The following SCIMP variants were observed in gnomAD, a reference collection of about 807,000 sequenced individuals.
The protein encoded by SCIMP is SLP adapter and CSK-interacting membrane protein.
A neutral mutation model predicts 22.0 loss-of-function variants in SCIMP; 18 were observed. The observed-to-expected ratio is 0.82, with a 90% CI of 0.56 to 1.21. The LOEUF is 1.21. Among genes scored for constraint, SCIMP ranks in the 50% most tolerant of loss-of-function variants. SCIMP has a pLI of 0.00. For synonymous variants in SCIMP, 53 were observed against 62.2 expected (o/e 0.85, Z 0.70); for missense variants, 155 against 171.2 (o/e 0.91, Z 0.53).
chr17:5,234,194 C>T (rs972336722), intron 1 of SCIMP, among the ~76,000 whole-genome samples: 1 of 152,104 alleles, frequency 6.6e-6, no homozygotes, highest in Non-Finnish European at 1.5e-5. Flanking sequence ...TCGCTTGAAC[C>T]CGGGAGGCGG....
At chr17:5,211,013 A>G in intron 4 of SCIMP, 58 bp from the exon 5 acceptor site, 1 of 1,552,218 alleles carries the variant, frequency 6.4e-7, no homozygotes, top group South Asian at 1.2e-5. Flanking sequence ...TATATTTTTG[A>G]AGGCAGTGGC....
At chr17:5,217,024 T>C (rs1488344378) in intron 3 of SCIMP, among the ~76,000 whole-genome samples, 2 of 152,164 alleles carry the variant, frequency 1.3e-5, no homozygotes, top group Non-Finnish European at 2.9e-5. Flanking sequence ...TAAACATTTT[T>C]AGGTTGTTAG....
intron 1 of SCIMP, among the ~76,000 whole-genome samples, chr17:5,234,369 C>T (rs1209216048): frequency 6.6e-6 from 1 of 151,780 alleles, no homozygotes; most frequent in Non-Finnish European, 1.5e-5. Context: ...ATAACAAGTC[C>T]CAAAACACAC....
chr17:5,215,540 G>A (rs943680054), intron 3 of SCIMP, among the ~76,000 whole-genome samples: 1 of 152,104 alleles, frequency 6.6e-6, no homozygotes, highest in East Asian at 1.9e-4. Context: ...CTTGAACTTC[G>A]GAGGCGGAGG....
intron 1 of SCIMP, among the ~76,000 whole-genome samples, chr17:5,229,851 CCCT>C (rs934822922): frequency 6.3e-5 from 9 of 142,024 alleles, no homozygotes. Flanking sequence ...CTCCTTTCTC[CCCT>C]CTTCTCCTTT....
chr17:5,220,238 T>C (rs1314996036), intron 3 of SCIMP, among the ~76,000 whole-genome samples: 1 of 152,062 alleles, frequency 6.6e-6, no homozygotes, highest in African/African-American at 2.4e-5. Context: ...AAGTATAGAC[T>C]GGGCGCTGGG....
At chr17:5,234,381 A>T (rs1469673411) in intron 1 of SCIMP, among the ~76,000 whole-genome samples, 2 of 148,100 alleles carry the variant, frequency 1.4e-5, no homozygotes, top group Admixed American at 1.4e-4. Flanking sequence ...AAAACACACC[A>T]TCGGCATCCA....
At chr17:5,221,724 A>G (rs1375706849) in intron 2 of SCIMP, among the ~76,000 whole-genome samples, 3 of 152,194 alleles carry the variant, frequency 2.0e-5, no homozygotes, top group Non-Finnish European at 4.4e-5. Flanking sequence ...AAAAGAAAGT[A>G]GGTGAAGTTT....
At position 5,209,027 on chromosome 17, in the gene SCIMP, T is replaced by C. The variant is rs1434693593; in HGVS notation, c.*1774A>G. The C allele has an allele frequency of 6.6e-6, 1 of 152,238 alleles. No individual in the cohort carries two copies. Among genetic ancestry groups the C allele is most frequent in the Non-Finnish European group, 1.5e-5 (1 of 68,054 alleles). The allele number at this position is 152,238 out of a possible 1,614,324, so 9.4% of individuals were successfully genotyped here. On this transcript the variant is annotated 3_prime_UTR_variant, in exon 5 of 5. Coordinates refer to ENST00000574081, the MANE Select transcript of SCIMP (RefSeq NM_207103.3). ...ACACTCCAATCCTTTGGCTTATTTT[T>C]GTTCTATAATTTGGGAAGAGTCCTC...
Position 5,209,266 on chromosome 17 carries a change from C to T in SCIMP, c.*1535G>A, listed in dbSNP as rs1164944362. The T allele has an allele frequency of 1.3e-5, 2 of 152,280 alleles. No homozygotes were observed. The highest frequency in any genetic ancestry group is 2.9e-5 in the Non-Finnish European group (2 of 68,138). 9.4% of individuals were successfully genotyped at this position (152,280 alleles called of 1,614,324 possible). A position where few individuals can be genotyped will look rare whatever the true frequency, so the allele number is the denominator to read the frequency against. Reference sequence around the variant, plus strand: ...TCTTCTGCCTCAGCCTCCCAAGTAGCTGGGATTACAGGCATGCGCGACCAT... The same window carrying T: ...TCTTCTGCCTCAGCCTCCCAAGTAGTTGGGATTACAGGCATGCGCGACCAT... On this transcript the variant is annotated 3_prime_UTR_variant, in exon 5 of 5. Transcript: ENST00000574081.
chr17:5,214,592 G>T, intron 4 of SCIMP: 1 of 227,910 alleles, frequency 4.4e-6, no homozygotes, highest in Non-Finnish European at 8.5e-6. Flanking sequence ...TATAATCCCA[G>T]CACTTTGGGA....
At chr17:5,230,689 G>C (rs1320170372) in intron 1 of SCIMP, among the ~76,000 whole-genome samples, 3 of 152,098 alleles carry the variant, frequency 2.0e-5, no homozygotes, top group African/African-American at 7.2e-5. Context: ...GGGAGGCCGA[G>C]GCTGGAGGAT....
chr17:5,212,897 G>T (rs1437459960), intron 4 of SCIMP: 4 of 152,042 alleles, frequency 2.6e-5, no homozygotes, highest in Non-Finnish European at 5.8e-5. Context: ...CAGTGGAGGA[G>T]ATCAATAATA....
intron 2 of SCIMP, among the ~76,000 whole-genome samples, chr17:5,222,704 A>G (rs1254421990): frequency 1.3e-5 from 2 of 151,676 alleles, no homozygotes; most frequent in Non-Finnish European, 2.9e-5. Context: ...CACTCTTGTC[A>G]TCCAGGCTGG....
chr17:5,229,813 A>C, intron 1 of SCIMP, among the ~76,000 whole-genome samples: 1 of 150,216 alleles, frequency 6.7e-6, no homozygotes, highest in African/African-American at 2.4e-5. Flanking sequence ...TCAAGGGAAC[A>C]AGTTCCCCTC....
Position 5,210,855 on chromosome 17 carries a change from T to G in SCIMP, c.384A>C (p.Glu128Asp). The change falls in exon 5 of 5, where the codon GAA becomes GAC. Residue 128 changes from glutamate (E) to aspartate (D), a missense_variant. Transcript: ENST00000574081. ...GGATTTCAACATCGTCATAGTCATCTTCAGGCTCAATGTAGCTTGGGATGG... is the reference window on the plus strand; with the variant it reads ...GGATTTCAACATCGTCATAGTCATCGTCAGGCTCAATGTAGCTTGGGATGG... ...TVSIPSYIEPEDDYDDVEIPA... is the reference protein window; with the variant it reads ...TVSIPSYIEPDDDYDDVEIPA... The G allele has an allele frequency of 6.2e-7, 1 of 1,614,064 alleles. No individual in the cohort carries two copies. Among genetic ancestry groups the G allele is most frequent in the East Asian group, 2.2e-5 (1 of 44,888 alleles).
At chr17:5,230,161 T>G (rs1567844221) in intron 1 of SCIMP, among the ~76,000 whole-genome samples, 1 of 152,160 alleles carries the variant, frequency 6.6e-6, no homozygotes, top group Non-Finnish European at 1.5e-5. Flanking sequence ...ACTTAGCTGT[T>G]GCACTTGGAA....
At chr17:5,220,621 G>A (rs766547128) in intron 3 of SCIMP, among the ~76,000 whole-genome samples, 18 of 151,974 alleles carry the variant, frequency 1.2e-4, no homozygotes, top group Non-Finnish European at 2.4e-4. Flanking sequence ...GCGTGTGCCT[G>A]TAATCTCAGC....
At chr17:5,211,668 C>G (rs2074526343) in intron 4 of SCIMP, among the ~76,000 whole-genome samples, 1 of 152,182 alleles carries the variant, frequency 6.6e-6, no homozygotes, top group Non-Finnish European at 1.5e-5. Context: ...GTGACTTACA[C>G]TGTTTTCCAG....
Sources: gnomAD v4.1 joint callset for allele counts (sites outside exome capture counted in the v4.1 genomes callset) on GRCh38, gnomAD v4.1.1 for gene constraint, MANE v1.5 for transcripts, NCBI Gene and HGNC (gene_info 2026-07-23, HGNC 2026-07-21) for gene names.